The following CEP63 variants were observed in gnomAD, a reference collection of about 807,000 sequenced individuals.
CEP63 encodes the protein centrosomal protein 63.
Under a neutral mutation model 89.1 loss-of-function variants are expected in CEP63, and 84 were observed. That is an observed-to-expected ratio of 0.94 (90% CI 0.79 to 1.13). CEP63 has a LOEUF of 1.13. Among genes scored for constraint, CEP63 ranks in the 50% most tolerant of loss-of-function variants. The pLI is 0.00. For missense variants in CEP63, 838 were observed against 813.3 expected (o/e 1.03, Z -0.37); for synonymous variants, 267 against 272.5 (o/e 0.98, Z 0.20).
At chr3:134,553,752 T>C (rs1577354499) in intron 12 of CEP63, among the ~76,000 whole-genome samples, 1 of 152,302 alleles carries the variant, frequency 6.6e-6, no homozygotes, top group South Asian at 2.1e-4. Context: ...AATGCGTAAA[T>C]ACGTATAGCC....
chr3:134,679,860 C>T, the CEP63 span, among the ~76,000 whole-genome samples: 3 of 152,152 alleles, frequency 2.0e-5, no homozygotes, highest in African/African-American at 7.2e-5. Context: ...GTAGCTGGGA[C>T]TACAGGAGTG....
At chr3:134,521,210 A>G (rs1947376862) in intron 3 of CEP63, among the ~76,000 whole-genome samples, 1 of 152,156 alleles carries the variant, frequency 6.6e-6, no homozygotes, top group Non-Finnish European at 1.5e-5. Context: ...GCAAATTACA[A>G]TCACAAGATA....
the CEP63 span, chr3:134,601,049 T>G: frequency 6.6e-6 from 1 of 152,256 alleles, no homozygotes; most frequent in African/African-American, 2.4e-5. Context: ...CGCCGGCGAC[T>G]GGGACTCGTC....
chr3:134,518,552 G>T (rs1359679545), intron 3 of CEP63, among the ~76,000 whole-genome samples: 1 of 152,200 alleles, frequency 6.6e-6, no homozygotes. Flanking sequence ...TGAATCAAAA[G>T]AAATCAAAAT....
chr3:134,637,159 T>C, the CEP63 span, among the ~76,000 whole-genome samples: 1 of 152,260 alleles, frequency 6.6e-6, no homozygotes, highest in African/African-American at 2.4e-5. Flanking sequence ...TTCCAGCATA[T>C]TCAATGTTGA....
At chr3:134,501,479 A>T (rs142076474) in intron 2 of CEP63, among the ~76,000 whole-genome samples, 3,053 of 152,022 alleles carry the variant, frequency 0.02, 53 homozygotes, top group Non-Finnish European at 0.026. Context: ...ATGTTTTTCT[A>T]TTTGTTTATG....
At chr3:134,531,758 A>C (rs1949896696) in intron 3 of CEP63, 87 bp from the exon 4 acceptor site, 1 of 1,016,118 alleles carries the variant, frequency 9.8e-7, no homozygotes, top group Non-Finnish European at 1.5e-6. Context: ...TTTACAAATA[A>C]ATACAGAGAT....
the CEP63 span, among the ~76,000 whole-genome samples, chr3:134,606,457 T>A: frequency 6.6e-6 from 1 of 152,094 alleles, no homozygotes; most frequent in Non-Finnish European, 1.5e-5. Context: ...CCCCCAAACC[T>A]GGATAAGGCT....
intron 1 of CEP63, chr3:134,486,841 A>G (rs1935629266): frequency 6.6e-6 from 1 of 152,316 alleles, no homozygotes; most frequent in African/African-American, 2.4e-5. Context: ...TAACGGCTCC[A>G]TGCACACAAA....
the CEP63 span, among the ~76,000 whole-genome samples, chr3:134,743,000 C>T: frequency 6.6e-6 from 1 of 152,182 alleles, no homozygotes. Context: ...TGTCTCTGTC[C>T]CTCCTAGAAC....
chr3:134,714,100 C>G, the CEP63 span, among the ~76,000 whole-genome samples: 2 of 152,122 alleles, frequency 1.3e-5, no homozygotes, highest in Non-Finnish European at 2.9e-5. Flanking sequence ...GAAATAGCAC[C>G]AAGCTGTGGA....
In CEP63 at chr3:134,549,919, T is replaced by C. The variant is rs1042631278; in HGVS notation, c.1183-144T>C. The C allele has an allele frequency of 1.3e-5, 9 of 690,874 alleles. No homozygotes were observed. In the Admixed American group the frequency reaches 2.0e-4, roughly 15 times the overall value. 42.8% of individuals were successfully genotyped at this position (690,874 alleles called of 1,614,324 possible). A position where few individuals can be genotyped will look rare whatever the true frequency, so the allele number is the denominator to read the frequency against. On this transcript the variant is annotated intron_variant, in intron 10 of 14. Transcript: ENST00000675561. ...CAGTACAGATATGCAACTTGGTAAATTGCTAATTTTTCTGCAGATTTAATT... is the reference window on the plus strand; with the variant it reads ...CAGTACAGATATGCAACTTGGTAAACTGCTAATTTTTCTGCAGATTTAATT...
At chr3:134,651,975 A>G in the CEP63 span, among the ~76,000 whole-genome samples, 1 of 152,104 alleles carries the variant, frequency 6.6e-6, no homozygotes, top group Non-Finnish European at 1.5e-5. Flanking sequence ...ATGCACCCCC[A>G]CATGGAGGCC....
the CEP63 span, among the ~76,000 whole-genome samples, chr3:134,624,353 T>C: frequency 6.6e-6 from 1 of 152,360 alleles, no homozygotes; most frequent in South Asian, 2.1e-4. Context: ...TCTGGCTTTC[T>C]TGATCCATGC....
intron 2 of CEP63, among the ~76,000 whole-genome samples, chr3:134,499,885 A>G (rs1416840083): frequency 7.5e-6 from 1 of 133,538 alleles, no homozygotes; most frequent in Non-Finnish European, 1.5e-5. Context: ...GTGCAGTAGC[A>G]TGATCTTGGC....
chr3:134,536,962 A>G, intron 5 of CEP63, 193 bp from the exon 6 acceptor site: 1 of 591,696 alleles, frequency 1.7e-6, no homozygotes, highest in East Asian at 3.2e-5. Context: ...ACAGATATCC[A>G]GAGGCACAGT....
rs1303964676 is a variant in CEP63 at position 134,497,346 on chromosome 3, G to A, written c.44+1982G>A. On this transcript the variant is annotated intron_variant, in intron 2 of 14. Coordinates refer to ENST00000675561, the MANE Select transcript of CEP63 (RefSeq NM_001353108.3). ...AACCATAAAATCTTTGCCTTGACCA[G>A]TGTACTGAAGCATTTCCTCTATATT... 2.0e-5 allele frequency among the ~76,000 whole-genome samples: 3 copies of A among 152,052 alleles called. No homozygotes were observed. In the East Asian group the frequency reaches 5.8e-4, roughly 29 times the overall value.
At chr3:134,527,453 A>C (rs988527678) in intron 3 of CEP63, among the ~76,000 whole-genome samples, 1 of 152,102 alleles carries the variant, frequency 6.6e-6, no homozygotes, top group Non-Finnish European at 1.5e-5. Flanking sequence ...TTTGGTGCCC[A>C]CCAAGGTTCT....
At chr3:134,638,561 G>A in the CEP63 span, among the ~76,000 whole-genome samples, 46 of 152,302 alleles carry the variant, frequency 3.0e-4, no homozygotes, top group Admixed American at 1.4e-3. Flanking sequence ...GACCGTCTTA[G>A]TTAAGAGCAT....
Sources: allele counts gnomAD v4.1 joint callset (sites outside exome capture counted in the v4.1 genomes callset), GRCh38; gene constraint gnomAD v4.1.1; transcripts MANE v1.5; gene names NCBI Gene and HGNC (gene_info 2026-07-23, HGNC 2026-07-21).